The following CABIN1 variants were observed in gnomAD, a reference collection of about 807,000 sequenced individuals.
CABIN1 encodes the protein calcineurin-binding protein cabin-1.
Under a neutral mutation model 227.7 loss-of-function variants are expected in CABIN1, and 133 were observed. That is an observed-to-expected ratio of 0.58 (90% CI 0.51 to 0.67). CABIN1 has a LOEUF of 0.67. CABIN1 is among the 30% of genes least tolerant of loss of function. CABIN1 has a pLI of 0.00. For synonymous variants in CABIN1, 1,086 were observed against 1,155.1 expected, an observed-to-expected ratio of 0.94 and a Z score of 1.21; for missense variants, 2,408 against 2,852.5, an observed-to-expected ratio of 0.84 and a Z score of 3.55.
chr22:24,161,410 GC>G (rs1191251817), intron 29 of CABIN1, among the ~76,000 whole-genome samples: 1 of 152,210 alleles, frequency 6.6e-6, no homozygotes, highest in East Asian at 1.9e-4. Flanking sequence ...TCTGAAGACA[GC>G]AAGTGTGCCT....
At chr22:24,135,513 A>G (rs543264536) in intron 29 of CABIN1, among the ~76,000 whole-genome samples, 2 of 152,192 alleles carry the variant, frequency 1.3e-5, no homozygotes, top group South Asian at 4.1e-4. Context: ...CCTGCCTCTC[A>G]TCCCAAAGGC....
rs1569112630 is a variant in CABIN1 at position 24,042,878 on chromosome 22, T to TGTGTGTGTGTGTG, written c.346-26_346-25insGTGTGTGTGTGTG. The TGTGTGTGTGTGTG allele has an allele frequency of 2.9e-5, 28 of 952,244 alleles. No homozygotes were observed. In the African/African-American group the frequency reaches 3.1e-4, roughly 10 times the overall value. 59.0% of individuals were successfully genotyped at this position (952,244 alleles called of 1,614,324 possible). Reference sequence around the variant, plus strand: ...TGTGTGTGTGTGTGTGTGTGTGTGTTTGCCCTCTGCTTGTGTCGCTTCCAG... The same window carrying TGTGTGTGTGTGTG: ...TGTGTGTGTGTGTGTGTGTGTGTGTTGTGTGTGTGTGTGTGCCCTCTGCTTGTGTCGCTTCCAG... On this transcript the variant is annotated intron_variant, in intron 5 of 36. Transcript: ENST00000263119.
chr22:24,155,882 C>T, intron 29 of CABIN1: 1 of 436,462 alleles, frequency 2.3e-6, no homozygotes, highest in East Asian at 3.8e-5. Context: ...GCGGCCAGTC[C>T]AGGGAACCGG....
In CABIN1 at chr22:24,166,627, G is replaced by T. The variant is rs2046462158; in HGVS notation, c.5008-12G>T. On this transcript the variant is annotated splice_polypyrimidine_tract_variant and intron_variant, in intron 31 of 36. Transcript: ENST00000263119. ...CCAGCGACACAGCTTCTTACCTTTG[G>T]TTTCTTTGTAGGGGTCAGAACGCCC... 1.2e-6 allele frequency: 2 copies of T among 1,612,600 alleles called. No individual in the cohort carries two copies. The highest frequency in any genetic ancestry group is 1.7e-5 in the Admixed American group (1 of 59,998).
intron 29 of CABIN1, among the ~76,000 whole-genome samples, chr22:24,146,425 C>T (rs993579049): frequency 4.6e-5 from 7 of 152,228 alleles, no homozygotes; most frequent in African/African-American, 1.2e-4. Context: ...GCACAGCCCC[C>T]GTGTTCAGCC....
chr22:24,104,631 G>C (rs1243942807), intron 26 of CABIN1, among the ~76,000 whole-genome samples: 1 of 152,158 alleles, frequency 6.6e-6, no homozygotes, highest in Non-Finnish European at 1.5e-5. Context: ...GGGGCCCCCA[G>C]GTTTCTGGTA....
intron 6 of CABIN1, among the ~76,000 whole-genome samples, chr22:24,047,421 G>A (rs2037977033): frequency 1.3e-5 from 2 of 152,300 alleles, no homozygotes; most frequent in Admixed American, 6.5e-5. Flanking sequence ...CTGAGAACCA[G>A]CATCATCCAA....
chr22:24,172,430 C>T (rs975682530), intron 34 of CABIN1, among the ~76,000 whole-genome samples: 6 of 152,196 alleles, frequency 3.9e-5, no homozygotes, highest in African/African-American at 1.2e-4. Flanking sequence ...CACTGGTATC[C>T]GGCCTCAGTT....
At chr22:24,110,281 A>C (rs1365138734) in intron 26 of CABIN1, among the ~76,000 whole-genome samples, 2 of 152,188 alleles carry the variant, frequency 1.3e-5, no homozygotes, top group African/African-American at 4.8e-5. Context: ...CCTTTAATTC[A>C]TTGCAGTCTG....
chr22:24,138,364 C>T (rs1432174116), intron 29 of CABIN1, among the ~76,000 whole-genome samples: 3 of 152,146 alleles, frequency 2.0e-5, no homozygotes, highest in Non-Finnish European at 4.4e-5. Context: ...ACCACCATGC[C>T]CAGCCAATTT....
At chr22:24,117,406 C>T (rs899146187) in intron 27 of CABIN1, among the ~76,000 whole-genome samples, 1 of 152,108 alleles carries the variant, frequency 6.6e-6, no homozygotes, top group Non-Finnish European at 1.5e-5. Context: ...GCTGTGTTGC[C>T]CCAGGCTAGT....
At chr22:24,062,749 C>T (rs1236495076) in intron 13 of CABIN1, among the ~76,000 whole-genome samples, 3 of 152,140 alleles carry the variant, frequency 2.0e-5, no homozygotes, top group Non-Finnish European at 2.9e-5. Context: ...GCCCCTGACT[C>T]TCGGCAGGGG....
At position 24,055,006 on chromosome 22, in the gene CABIN1, A is replaced by T; in HGVS notation, c.940A>T (p.Met314Leu). 12 of 1,614,218 alleles carry T rather than the reference A, an allele frequency of 7.4e-6. No homozygotes were observed. Among genetic ancestry groups the T allele is most frequent in the Non-Finnish European group, 1.0e-5 (12 of 1,180,040 alleles). The change falls in exon 9 of 37, where the codon ATG becomes TTG. Residue 314 changes from methionine (M) to leucine (L), a missense_variant. Physicochemically the swap from Met to Leu is conservative, Grantham distance 15. Transcript: ENST00000263119. ...CCCCAGCCAGCCTCTTGAGTCCTCC[A>T]TGGTGGTGACGCCAGTTAACGTGAT... ...QDPSQPLESS[M>L]VVTPVNVIQP...
chr22:24,134,804 G>A (rs1336885651), intron 29 of CABIN1, among the ~76,000 whole-genome samples: 6 of 152,330 alleles, frequency 3.9e-5, no homozygotes, highest in Admixed American at 2.0e-4. Flanking sequence ...TGGGCCGGGC[G>A]CGGTGGCTCA....
intron 34 of CABIN1, among the ~76,000 whole-genome samples, chr22:24,173,679 C>T (rs991916568): frequency 6.6e-6 from 1 of 152,140 alleles, no homozygotes; most frequent in African/African-American, 2.4e-5. Flanking sequence ...ACTAAAAATA[C>T]AAAAATTAGC....
chr22:24,090,364 TAGCC>T (rs2041462077), intron 23 of CABIN1, among the ~76,000 whole-genome samples: 1 of 152,170 alleles, frequency 6.6e-6, no homozygotes, highest in East Asian at 1.9e-4. Context: ...GACATCCTTT[TAGCC>T]ATTGCCTTTT....
chr22:24,170,197 AC>A (rs1375521079), intron 33 of CABIN1: 1 of 455,246 alleles, frequency 2.2e-6, no homozygotes, highest in East Asian at 7.0e-5. Flanking sequence ...TAGGATTCTT[AC>A]CCTGGGCCCA....
intron 26 of CABIN1, among the ~76,000 whole-genome samples, chr22:24,100,979 C>T (rs2042168631): frequency 6.6e-6 from 1 of 152,196 alleles, no homozygotes; most frequent in South Asian, 2.1e-4. Context: ...GGCTCTGGGG[C>T]CAGTCCCCCT....
intron 1 of CABIN1, among the ~76,000 whole-genome samples, chr22:24,021,156 T>C (rs1236932046): frequency 6.6e-6 from 1 of 151,998 alleles, no homozygotes; most frequent in African/African-American, 2.4e-5. Flanking sequence ...CATATCACCA[T>C]GCCTGGCTAA....
Sources: gnomAD v4.1 joint callset for allele counts (sites outside exome capture counted in the v4.1 genomes callset) on GRCh38, gnomAD v4.1.1 for gene constraint, MANE v1.5 for transcripts, NCBI Gene and HGNC (gene_info 2026-07-23, HGNC 2026-07-21) for gene names.